Variants in ANKHD1 observed in about 807,000 individuals in gnomAD.
ANKHD1 encodes the protein ankyrin repeat and KH domain containing 1.
A neutral mutation model predicts 230.5 loss-of-function variants in ANKHD1; 31 were observed. The ratio of observed to expected loss-of-function variants is 0.13; its 90% CI spans 0.10 to 0.18. The LOEUF is 0.18. Ranked by LOEUF, ANKHD1 falls within the 10% of genes least tolerant of loss-of-function variation. ANKHD1 has a pLI of 1.00. For missense variants in ANKHD1, 2,256 were observed against 3,071.3 expected, an observed-to-expected ratio of 0.73 and a Z score of 6.27; for synonymous variants, 1,074 against 1,117.6, an observed-to-expected ratio of 0.96 and a Z score of 0.78.
intron 2 of ANKHD1, 128 bp from the exon 3 acceptor site, chr5:140,438,333 C>A: frequency 7.5e-7 from 1 of 1,324,638 alleles, no homozygotes; most frequent in Non-Finnish European, 9.9e-7. Flanking sequence ...TTCTGTCAAC[C>A]TAACCTATGG....
At chr5:140,468,744 G>C (rs1776285775) in intron 10 of ANKHD1, among the ~76,000 whole-genome samples, 1 of 151,960 alleles carries the variant, frequency 6.6e-6, no homozygotes. Context: ...TTTTTCACAG[G>C]TACCCAGTGT....
At chr5:140,504,721 A>G in intron 15 of ANKHD1, 100 bp from the exon 16 acceptor site, 3 of 1,455,784 alleles carry the variant, frequency 2.1e-6, no homozygotes, top group East Asian at 2.3e-5. Context: ...TACTATTACT[A>G]CATATTACTG....
In ANKHD1 at chr5:140,507,221, C is replaced by T. The variant is rs187200190; in HGVS notation, c.3551+244C>T. Among the ~76,000 whole-genome samples the T allele has an allele frequency of 1.8e-4, 27 of 152,286 alleles. No homozygotes were observed. In the East Asian group the frequency reaches 5.0e-3, roughly 28 times the overall value. Reference sequence around the variant, plus strand: ...TCTATGGCCTACCACCCTAAACGTGCCCAATCTCATCTGATCTCAGAAACG... The same window carrying T: ...TCTATGGCCTACCACCCTAAACGTGTCCAATCTCATCTGATCTCAGAAACG... On this transcript the variant is annotated intron_variant, in intron 19 of 33. Coordinates refer to ENST00000360839, the MANE Select transcript of ANKHD1 (RefSeq NM_017747.3). The surrounding 1 kb of genome is among the most constrained non-coding windows in gnomAD (Gnocchi z 4.1).
In ANKHD1 at chr5:140,505,326, G is replaced by T. The variant is rs1180193039; in HGVS notation, c.3262+93G>T. ...GATAAATAGTTCCTAGACTATCTCAGTGATAAGATGGATAAGTATATTTCA... is the reference window on the plus strand; with the variant it reads ...GATAAATAGTTCCTAGACTATCTCATTGATAAGATGGATAAGTATATTTCA... On this transcript the variant is annotated intron_variant, in intron 17 of 33. Coordinates refer to ENST00000360839, the MANE Select transcript of ANKHD1 (RefSeq NM_017747.3). The T allele has an allele frequency of 6.0e-6, 8 of 1,330,324 alleles. No individual in the cohort carries two copies. The African/African-American group carries it at 1.2e-4, about 20-fold the overall frequency. 82.4% of individuals were successfully genotyped at this position (1,330,324 alleles called of 1,614,324 possible). A position where few individuals can be genotyped will look rare whatever the true frequency, so the allele number is the denominator to read the frequency against.
chr5:140,404,238 G>A (rs1403816761), intron 1 of ANKHD1, among the ~76,000 whole-genome samples: 1 of 152,118 alleles, frequency 6.6e-6, no homozygotes, highest in Non-Finnish European at 1.5e-5. Flanking sequence ...AGGAAATGAA[G>A]TGTGGGGGAT....
In ANKHD1 at chr5:140,527,370, G is replaced by T; in HGVS notation, c.5087+296G>T. On this transcript the variant is annotated intron_variant, in intron 27 of 33. Transcript: ENST00000360839. This position sits in a 1 kb window ranked among gnomAD's most constrained non-coding sequence, Gnocchi z 4.5. ...TCTTTCTCATGTCTCAGTAATTCTA[G>T]AACTAAAGTACTAATAATCAACTTT... 3.5e-6 allele frequency: 1 copy of T among 282,084 alleles called. No individual in the cohort carries two copies. The highest frequency in any genetic ancestry group is 5.1e-5 in the Admixed American group (1 of 19,500). 17.5% of individuals were successfully genotyped at this position (282,084 alleles called of 1,614,324 possible). A position where few individuals can be genotyped will look rare whatever the true frequency, so the allele number is the denominator to read the frequency against.
chr5:140,438,907 C>T (rs987340754), intron 3 of ANKHD1, among the ~76,000 whole-genome samples: 1 of 152,136 alleles, frequency 6.6e-6, no homozygotes, highest in Non-Finnish European at 1.5e-5. Flanking sequence ...AAGGAAGTTA[C>T]TTATTCTAAA....
intron 17 of ANKHD1, 76 bp from the exon 18 acceptor site, chr5:140,505,648 T>A: frequency 6.6e-7 from 1 of 1,510,432 alleles, no homozygotes; most frequent in East Asian, 2.4e-5. Context: ...GCTAAAATAC[T>A]AGAGAATTGT....
intron 10 of ANKHD1, among the ~76,000 whole-genome samples, chr5:140,467,228 T>G (rs12109098): frequency 0.013 from 1,955 of 152,318 alleles, 49 homozygotes; most frequent in African/African-American, 0.045. Context: ...CTTTTGCTTT[T>G]CATTTTTCAC....
intron 5 of ANKHD1, among the ~76,000 whole-genome samples, chr5:140,444,580 T>C (rs1774129893): frequency 6.6e-6 from 1 of 152,158 alleles, no homozygotes; most frequent in Non-Finnish European, 1.5e-5. Context: ...CCAGATGTCC[T>C]TTTCTGCCTT....
chr5:140,473,446 AT>A (rs879716621), intron 10 of ANKHD1, among the ~76,000 whole-genome samples: 36 of 142,320 alleles, frequency 2.5e-4, no homozygotes, highest in Non-Finnish European at 2.8e-4. Flanking sequence ...AATTTTTTAA[AT>A]TTTTTTTTTT....
intron 15 of ANKHD1, among the ~76,000 whole-genome samples, chr5:140,499,535 T>C (rs1752183598): frequency 6.6e-6 from 1 of 152,170 alleles, no homozygotes; most frequent in Non-Finnish European, 1.5e-5. Context: ...AGGAGTATTA[T>C]TTCCTTATTG....
intron 1 of ANKHD1, among the ~76,000 whole-genome samples, chr5:140,415,776 TTTTA>T (rs886591658): frequency 2.2e-4 from 34 of 151,916 alleles, no homozygotes; most frequent in Admixed American, 6.6e-4. Flanking sequence ...TAAAATTTAT[TTTTA>T]TTTATTTATT....
chr5:140,535,836 C>T (rs541486820), intron 30 of ANKHD1: 13 of 164,094 alleles, frequency 7.9e-5, no homozygotes, highest in African/African-American at 2.0e-4. Flanking sequence ...GCAAGAGGAT[C>T]GCTTGAGCCC....
chr5:140,431,493 A>G (rs753448710), intron 1 of ANKHD1, among the ~76,000 whole-genome samples: 1 of 152,224 alleles, frequency 6.6e-6, no homozygotes, highest in Non-Finnish European at 1.5e-5. Flanking sequence ...AATTATATTT[A>G]TATGGTGGTT....
rs1773746042 is a variant in ANKHD1 at position 140,440,121 on chromosome 5, G to A, written c.620G>A (p.Arg207His). The A allele has an allele frequency of 2.5e-6, 4 of 1,595,658 alleles. No homozygotes were observed. The highest frequency in any genetic ancestry group is 1.4e-5 in the African/African-American group (1 of 73,994). Residue 207 changes from arginine (R) to histidine (H), a missense_variant and splice_region_variant, in exon 4 of 34, where the codon CGC becomes CAC. Physicochemically the swap from Arg to His is conservative, Grantham distance 29 (BLOSUM62 0). Transcript: ENST00000360839. ...TTGTTGAATGGTTTTGTTTCCAGTC[G>A]CAGTCTAGCAGAAGCTTGTTCAGAT... ...NSHNAGQVDT[R>H]SLAEACSDGD...
intron 5 of ANKHD1, among the ~76,000 whole-genome samples, chr5:140,443,089 T>C: frequency 6.6e-6 from 1 of 151,840 alleles, no homozygotes; most frequent in Non-Finnish European, 1.5e-5. Context: ...GTATTTTTAG[T>C]AGAGACGGGG....
chr5:140,451,729 A>G (rs183815036), intron 7 of ANKHD1, among the ~76,000 whole-genome samples: 2 of 152,248 alleles, frequency 1.3e-5, no homozygotes, highest in South Asian at 2.1e-4. Flanking sequence ...GGTGGTCTCA[A>G]ACATCTGGGC....
rs1751445473 is a variant in ANKHD1 at position 140,485,149 on chromosome 5, T to C, written c.1899T>C (p.Asn633=). Residue 633 remains asparagine, a synonymous_variant, in exon 12 of 34, where the codon AAT becomes AAC. Transcript: ENST00000360839. The surrounding 1 kb of genome is among the most constrained non-coding windows in gnomAD (Gnocchi z 4.8). ...CCAATGTTAACAGGGCTACAGCCAA[T>C]AATGATCATACAGTAGTGTCGCTGG... The part of the protein sequence containing the change: ...KGANVNRATA[N]NDHTVVSLAC... 6.2e-7 allele frequency: 1 copy of C among 1,612,892 alleles called. No individual in the cohort carries two copies. Among genetic ancestry groups the C allele is most frequent in the South Asian group, 1.1e-5 (1 of 91,048 alleles).
Sources: gnomAD v4.1 joint callset for allele counts (sites outside exome capture counted in the v4.1 genomes callset) on GRCh38, gnomAD v4.1.1 for gene constraint, Gnocchi (gnomAD v3.1) non-coding constraint, MANE v1.5 for transcripts, NCBI Gene and HGNC (gene_info 2026-07-23, HGNC 2026-07-21) for gene names.